Variants in PRKCH observed in about 807,000 individuals in gnomAD.
PRKCH encodes protein kinase C eta type.
A neutral mutation model predicts 82.5 loss-of-function variants in PRKCH; 28 were observed. The observed-to-expected ratio is 0.34, with a 90% CI of 0.25 to 0.47. The LOEUF is 0.47. PRKCH is among the 20% of genes least tolerant of loss of function. The probability of loss-of-function intolerance (pLI) is 1.00; values close to 1 mark genes in which losing one functional copy is unlikely to be tolerated. For missense variants in PRKCH, 705 were observed against 881.8 expected, an observed-to-expected ratio of 0.80 and a Z score of 2.54; for synonymous variants, 322 against 327.4, an observed-to-expected ratio of 0.98 and a Z score of 0.18.
At chr14:61,195,115 T>C (rs2140034811) in intron 1 of PRKCH, among the ~76,000 whole-genome samples, 1 of 152,368 alleles carries the variant, frequency 6.6e-6, no homozygotes, top group Non-Finnish European at 1.5e-5. Context: ...TTCTTCCTGG[T>C]ATTACCATGT....
At chr14:61,493,006 C>G (rs1886520205) in intron 10 of PRKCH, among the ~76,000 whole-genome samples, 1 of 152,192 alleles carries the variant, frequency 6.6e-6, no homozygotes, top group African/African-American at 2.4e-5. Context: ...TGGAAAATGA[C>G]AGGAACTTTG....
At chr14:61,257,759 C>G (rs2045011658) in intron 1 of PRKCH, among the ~76,000 whole-genome samples, 2 of 152,022 alleles carry the variant, frequency 1.3e-5, no homozygotes, top group South Asian at 4.2e-4. Flanking sequence ...ACTTAGGAAT[C>G]AGATTAGAGA....
intron 1 of PRKCH, among the ~76,000 whole-genome samples, chr14:61,229,270 T>C (rs1266761628): frequency 6.6e-6 from 1 of 152,174 alleles, no homozygotes; most frequent in Non-Finnish European, 1.5e-5. Context: ...GTGTTTAAGA[T>C]TCATTGAGGG....
chr14:61,422,888 C>A (rs1414778397), intron 2 of PRKCH, among the ~76,000 whole-genome samples: 1 of 152,072 alleles, frequency 6.6e-6, no homozygotes, highest in African/African-American at 2.4e-5. Context: ...TGCACACACC[C>A]CCACATACTT....
chr14:61,444,584 C>G (rs887666233), intron 3 of PRKCH, among the ~76,000 whole-genome samples: 2 of 151,520 alleles, frequency 1.3e-5, no homozygotes. Context: ...GCCTTTAACG[C>G]TCCCCCCCTC....
rs556795537 is a variant in PRKCH, at chr14:61,205,630, A to G, written c.-19+17962A>G. ...CCCACCTCCTCTTCCCACCTTTCCC[A>G]GGTGTCTCTCCTCTCTGCTTCCCTA... On this transcript the variant is annotated intron_variant, in intron 1 of 3. Transcript: ENST00000555185. 5.3e-5 allele frequency among the ~76,000 whole-genome samples: 8 copies of G among 152,190 alleles called. 1 individual carries two copies. The highest frequency in any genetic ancestry group is 3.9e-4 in the East Asian group (2 of 5,178).
intron 10 of PRKCH, among the ~76,000 whole-genome samples, chr14:61,488,132 C>T (rs1001059499): frequency 1.0e-4 from 15 of 147,102 alleles, no homozygotes; most frequent in African/African-American, 2.5e-4. Context: ...CCAGCCTGGG[C>T]GACAGCGAGA....
At chr14:61,462,955 TA>T (rs1469349311) in intron 9 of PRKCH, 2 of 152,342 alleles carry the variant, frequency 1.3e-5, no homozygotes, top group Non-Finnish European at 2.9e-5. Flanking sequence ...TCTGACTCCA[TA>T]TGTTGTCTTA....
At chr14:61,363,994 G>GTGTA (rs1555379272) in intron 1 of PRKCH, among the ~76,000 whole-genome samples, 4 of 145,002 alleles carry the variant, frequency 2.8e-5, no homozygotes, top group Admixed American at 6.9e-5. Context: ...ATGTGTGTGT[G>GTGTA]TATATATATA....
intron 1 of PRKCH, among the ~76,000 whole-genome samples, chr14:61,221,573 G>A (rs908015705): frequency 2.0e-5 from 3 of 151,994 alleles, no homozygotes; most frequent in Admixed American, 1.3e-4. Flanking sequence ...ATGCCTGCCC[G>A]AGAACCGCTG....
At chr14:61,398,417 G>GTAA (rs1226778223) in intron 2 of PRKCH, among the ~76,000 whole-genome samples, 2 of 152,210 alleles carry the variant, frequency 1.3e-5, no homozygotes, top group Non-Finnish European at 2.9e-5. Flanking sequence ...ATCATCTTAT[G>GTAA]TGAGGACAAA....
chr14:61,401,608 C>T (rs1443531607), intron 2 of PRKCH, among the ~76,000 whole-genome samples: 3 of 152,154 alleles, frequency 2.0e-5, no homozygotes, highest in African/African-American at 7.2e-5. Flanking sequence ...ACTATAAAGT[C>T]ATCATTGTAT....
At chr14:61,190,070 T>C (rs1169034480) in intron 1 of PRKCH, among the ~76,000 whole-genome samples, 1 of 152,248 alleles carries the variant, frequency 6.6e-6, no homozygotes, top group Non-Finnish European at 1.5e-5. Flanking sequence ...CCTCCACTTC[T>C]TTATCTGCAA....
At chr14:61,267,696 A>G (rs2045115852) in intron 1 of PRKCH, among the ~76,000 whole-genome samples, 1 of 152,238 alleles carries the variant, frequency 6.6e-6, no homozygotes, top group Non-Finnish European at 1.5e-5. Flanking sequence ...AAATTGAGTG[A>G]ATACACCTTT....
At chr14:61,250,435 A>C (rs971672298) in intron 1 of PRKCH, among the ~76,000 whole-genome samples, 1 of 152,148 alleles carries the variant, frequency 6.6e-6, no homozygotes, top group African/African-American at 2.4e-5. Flanking sequence ...TAAGCCATGA[A>C]AAGACATATG....
intron 1 of PRKCH, among the ~76,000 whole-genome samples, chr14:61,360,378 G>A (rs554972575): frequency 2.6e-5 from 4 of 152,190 alleles, no homozygotes; most frequent in South Asian, 2.1e-4. Context: ...GGTGGTGGGC[G>A]CCTGTAATCC....
At chr14:61,262,771 A>G (rs184921375) in intron 1 of PRKCH, among the ~76,000 whole-genome samples, 93 of 152,244 alleles carry the variant, frequency 6.1e-4, no homozygotes, top group Middle Eastern at 3.4e-3. Context: ...AAATGAGGAA[A>G]TCAAAAAATA....
intron 9 of PRKCH, among the ~76,000 whole-genome samples, chr14:61,478,724 G>A (rs1045328266): frequency 2.0e-5 from 3 of 151,990 alleles, no homozygotes; most frequent in Non-Finnish European, 4.4e-5. Context: ...GCCAGATGTG[G>A]TGGCACAAAC....
intron 2 of PRKCH, among the ~76,000 whole-genome samples, chr14:61,428,074 G>T (rs377363290): frequency 1.2e-5 from 1 of 83,122 alleles, no homozygotes; most frequent in African/African-American, 3.9e-5. Flanking sequence ...TAGATAGATA[G>T]ATACACACAC....
Sources: gnomAD v4.1 joint callset for allele counts (sites outside exome capture counted in the v4.1 genomes callset) on GRCh38, gnomAD v4.1.1 for gene constraint, MANE v1.5 for transcripts, NCBI Gene and HGNC (gene_info 2026-07-23, HGNC 2026-07-21) for gene names.